HECTD4: variants seen among roughly 807,000 people sequenced by gnomAD.
The protein encoded by HECTD4 is probable E3 ubiquitin-protein ligase HECTD4.
Under a neutral mutation model 471.5 loss-of-function variants are expected in HECTD4, and 114 were observed. That is an observed-to-expected ratio of 0.24 (90% CI 0.21 to 0.28). The LOEUF (loss-of-function observed/expected upper bound fraction) is 0.28. HECTD4 is among the 10% of genes least tolerant of loss of function. The pLI is 1.00. For missense variants in HECTD4, 3,866 were observed against 5,651.5 expected, an observed-to-expected ratio of 0.68 and a Z score of 10.13; for synonymous variants, 2,012 against 2,256.0, an observed-to-expected ratio of 0.89 and a Z score of 3.07.
At chr12:112,246,552 T>C (rs1487284613) in intron 29 of HECTD4, among the ~76,000 whole-genome samples, 2 of 152,116 alleles carry the variant, frequency 1.3e-5, no homozygotes, top group Non-Finnish European at 2.9e-5. Flanking sequence ...GAAGAATTGC[T>C]TGAACCTGGG....
chr12:112,176,383 G>A (rs1764022066), intron 65 of HECTD4, among the ~76,000 whole-genome samples: 1 of 152,198 alleles, frequency 6.6e-6, no homozygotes, highest in African/African-American at 2.4e-5. Context: ...CATCAAAGAT[G>A]GCATCGAGGG....
chr12:112,266,833 T>C (rs755457986), intron 14 of HECTD4, 79 bp downstream of exon 14: 1 of 758,364 alleles, frequency 1.3e-6, no homozygotes, highest in Non-Finnish European at 2.3e-6. Context: ...GAAGTGTAAA[T>C]ATTATCTGAA....
chr12:112,301,717 T>C (rs2035168292), intron 7 of HECTD4, among the ~76,000 whole-genome samples: 1 of 152,224 alleles, frequency 6.6e-6, no homozygotes, highest in South Asian at 2.1e-4. Context: ...TGTCCTGTTT[T>C]ATAATATGAA....
intron 55 of HECTD4, among the ~76,000 whole-genome samples, chr12:112,195,809 T>C (rs992963981): frequency 3.3e-5 from 5 of 152,190 alleles, no homozygotes; most frequent in Non-Finnish European, 7.3e-5. Context: ...CATTTTTTTA[T>C]GTGATGAATT....
At chr12:112,323,990 C>T (rs1201555436) in intron 1 of HECTD4, among the ~76,000 whole-genome samples, 23 of 34,120 alleles carry the variant, frequency 6.7e-4, no homozygotes, top group African/African-American at 5.4e-3. Context: ...TCCTTCCTTC[C>T]TTCCTTCCTT....
chr12:112,324,873 C>T (rs1312731210), intron 1 of HECTD4, among the ~76,000 whole-genome samples: 4 of 152,062 alleles, frequency 2.6e-5, no homozygotes, highest in Admixed American at 2.0e-4. Flanking sequence ...TTCTTCCACC[C>T]AAAACAACTC....
chr12:112,251,916 T>G (rs1274695268), intron 23 of HECTD4, among the ~76,000 whole-genome samples: 1 of 152,112 alleles, frequency 6.6e-6, no homozygotes, highest in Non-Finnish European at 1.5e-5. Context: ...GGACTACAGG[T>G]GCCCACCACC....
chr12:112,327,728 G>A (rs1234988560), intron 1 of HECTD4, among the ~76,000 whole-genome samples: 2 of 152,122 alleles, frequency 1.3e-5, no homozygotes, highest in Admixed American at 1.3e-4. Context: ...TCAAACAAAT[G>A]GTGACACAAG....
chr12:112,235,467 C>T lies in HECTD4; in HGVS notation c.5725+37G>A. On this transcript the variant is annotated intron_variant, in intron 36 of 75. Coordinates refer to ENST00000682272, the MANE Select transcript of HECTD4 (RefSeq NM_001388303.1). The surrounding 1 kb of genome is among the most constrained non-coding windows in gnomAD (Gnocchi z 5.0). ...GACCTGACTGGGCACAGGAATGCTGCACTGCCATGCTACTCTCCTGTTGAG... is the reference window on the plus strand; with the variant it reads ...GACCTGACTGGGCACAGGAATGCTGTACTGCCATGCTACTCTCCTGTTGAG... The T allele has an allele frequency of 6.4e-7, 1 of 1,568,020 alleles. No individual in the cohort carries two copies. Among genetic ancestry groups the T allele is most frequent in the Non-Finnish European group, 8.6e-7 (1 of 1,157,564 alleles).
At chr12:112,218,196 C>T (rs2032982963) in intron 45 of HECTD4, among the ~76,000 whole-genome samples, 1 of 151,810 alleles carries the variant, frequency 6.6e-6, no homozygotes, top group African/African-American at 2.4e-5. Flanking sequence ...ACAATTCACC[C>T]ATTTGAAGTG....
intron 72 of HECTD4, among the ~76,000 whole-genome samples, 157 bp from the exon 73 acceptor site, chr12:112,164,432 A>G (rs1593882789): frequency 6.6e-6 from 1 of 152,120 alleles, no homozygotes; most frequent in African/African-American, 2.4e-5. Flanking sequence ...AGAACCTGCC[A>G]TCAGTTCAGG....
chr12:112,325,046 T>C (rs1164024744), intron 1 of HECTD4, among the ~76,000 whole-genome samples: 1 of 152,196 alleles, frequency 6.6e-6, no homozygotes, highest in African/African-American at 2.4e-5. Flanking sequence ...GGCTATTTAT[T>C]TTTATTATTA....
rs2034389301 is a variant in HECTD4, at chr12:112,270,377, A to C, written c.2025T>G (p.Leu675=). The C allele has an allele frequency of 2.5e-6, 4 of 1,614,036 alleles. No individual in the cohort carries two copies. The East Asian group carries it at 8.9e-5, about 36-fold the overall frequency. Residue 675 remains leucine, a synonymous_variant, in exon 12 of 76, where the codon CTT becomes CTG. Coordinates refer to ENST00000682272, the MANE Select transcript of HECTD4 (RefSeq NM_001388303.1). ...TGATTGGAAGATTGGGGTTGGTGGCAAGAAGATTGAGTTGGTGTATGCACA... is the reference window on the plus strand; with the variant it reads ...TGATTGGAAGATTGGGGTTGGTGGCCAGAAGATTGAGTTGGTGTATGCACA... The part of the protein sequence containing the change: ...GAMCIHQLNL[L]ATNPNLPITS...
intron 55 of HECTD4, among the ~76,000 whole-genome samples, chr12:112,196,164 A>C (rs2032236328): frequency 6.6e-6 from 1 of 152,194 alleles, no homozygotes; most frequent in Non-Finnish European, 1.5e-5. Context: ...CTAGGCCCCA[A>C]ACTCACTCTG....
At chr12:112,293,153 G>C (rs1230502397) in intron 7 of HECTD4, among the ~76,000 whole-genome samples, 1 of 152,002 alleles carries the variant, frequency 6.6e-6, no homozygotes, top group Non-Finnish European at 1.5e-5. Context: ...ATCACTTGAG[G>C]TCAGGAGTTC....
chr12:112,231,759 C>T (rs1461632201), intron 38 of HECTD4, 44 bp from the exon 39 acceptor site: 1 of 1,508,312 alleles, frequency 6.6e-7, no homozygotes, highest in Non-Finnish European at 9.1e-7. Flanking sequence ...TTTCAGTCTT[C>T]CCAGCACTAT....
Position 112,346,887 on chromosome 12 carries a change from T to C in HECTD4, c.178-27145A>G, listed in dbSNP as rs2135732486. ...TTTCCTAGCTCTTAATTATCAATTA[T>C]TATCAATTATTTGGATTAGTATTTC... On this transcript the variant is annotated intron_variant, in intron 1 of 75. Coordinates refer to ENST00000682272, the MANE Select transcript of HECTD4 (RefSeq NM_001388303.1). 3.3e-5 allele frequency among the ~76,000 whole-genome samples: 5 copies of C among 152,292 alleles called. 1 individual carries two copies. The South Asian group carries it at 1.0e-3, about 32-fold the overall frequency.
chr12:112,170,153 C>T (rs1269207541), intron 69 of HECTD4, 180 bp downstream of exon 69: 3 of 821,328 alleles, frequency 3.7e-6, no homozygotes, highest in Non-Finnish European at 3.8e-6. Context: ...TCTGCTATGC[C>T]CCTTCCCTGA....
In HECTD4 at chr12:112,219,430, A is replaced by C. The variant is rs770724642; in HGVS notation, c.7030T>G (p.Cys2344Gly). 2 of 1,613,836 alleles carry C rather than the reference A, an allele frequency of 1.2e-6. No homozygotes were observed. Among genetic ancestry groups the C allele is most frequent in the South Asian group, 2.2e-5 (2 of 91,008 alleles). ...CERLRMLYRD[C>G]ARPPPPPLQA... The stretch of plus-strand genomic sequence containing the variant: ...AAAGGAGGTGGTGGGGGCCGAGCAC[A>C]GTCCCGGTAGAGCATCCTCAGCCGT... The change falls in exon 45 of 76, where the codon TGT becomes GGT. Residue 2344 changes from cysteine (C) to glycine (G), a missense_variant. Around this residue, in one of 16 missense-constraint regions of HECTD4, gnomAD observed 617 missense variants for 915.1 expected, o/e 0.67. Coordinates refer to ENST00000682272, the MANE Select transcript of HECTD4 (RefSeq NM_001388303.1).
Sources: gnomAD v4.1 joint callset for allele counts (sites outside exome capture counted in the v4.1 genomes callset) on GRCh38, gnomAD v4.1.1 for gene constraint, gnomAD v4.1.1 regional missense constraint, Gnocchi (gnomAD v3.1) non-coding constraint, MANE v1.5 for transcripts, NCBI Gene and HGNC (gene_info 2026-07-23, HGNC 2026-07-21) for gene names.